The following GET1 variants were observed in gnomAD, a reference collection of about 807,000 sequenced individuals.
GET1 encodes guided entry of tail-anchored proteins factor 1, also known as congenital heart disease 5 protein.
In GET1, 20 loss-of-function variants were observed where a neutral mutation model predicts 22.6. The ratio of observed to expected loss-of-function variants is 0.89; its 90% CI spans 0.62 to 1.29. The LOEUF is 1.29. Ranked by LOEUF, GET1 falls within the 50% of genes most tolerant of loss-of-function variation. The probability of loss-of-function intolerance (pLI) is 0.00; values close to 1 mark genes in which losing one functional copy is unlikely to be tolerated. For missense variants in GET1, 209 were observed against 219.9 expected, an observed-to-expected ratio of 0.95 and a Z score of 0.31; for synonymous variants, 92 against 83.8, an observed-to-expected ratio of 1.10 and a Z score of -0.53.
At chr21:39,417,248 C>A (rs1402445551) in intron 1 of GET1, among the ~76,000 whole-genome samples, 1 of 152,144 alleles carries the variant, frequency 6.6e-6, no homozygotes, top group East Asian at 1.9e-4. Flanking sequence ...CCATGTTGGC[C>A]AGGCTGGTCT....
chr21:39,424,291 G>C lies in GET1; in HGVS notation c.*24-3941G>C, dbSNP rs142986097. 5.6e-3 allele frequency among the ~76,000 whole-genome samples: 854 copies of C among 152,294 alleles called. 2 individuals are homozygous for C. Among genetic ancestry groups the C allele is most frequent in the Middle Eastern group, 0.014 (4 of 294 alleles). On this transcript the variant is annotated intron_variant, in intron 1 of 1. Transcript: ENST00000478273. Reference sequence around the variant, plus strand: ...GGCCTCCCAAAGTGCTGGGATTACAGGTGGGAGCCATTGTGCCCGGCCTCT... The same window carrying C: ...GGCCTCCCAAAGTGCTGGGATTACACGTGGGAGCCATTGTGCCCGGCCTCT...
chr21:39,406,699 C>T (rs980283197), downstream of GET1: 19 of 998,654 alleles, frequency 1.9e-5, no homozygotes, highest in Non-Finnish European at 2.7e-5. Flanking sequence ...CTTACGTGCA[C>T]CGCCTCACAA....
chr21:39,380,593 T>C, intron 1 of GET1, 107 bp downstream of exon 1: 1 of 1,518,038 alleles, frequency 6.6e-7, no homozygotes, highest in Non-Finnish European at 8.8e-7. Flanking sequence ...AAGGCCGTAG[T>C]AGCGTCTTGG....
chr21:39,412,882 T>C (rs1601728770), intron 1 of GET1, among the ~76,000 whole-genome samples: 1 of 152,108 alleles, frequency 6.6e-6, no homozygotes, highest in South Asian at 2.1e-4. Context: ...AGGCCAGAGA[T>C]TGTGCTTCCC....
At chr21:39,424,125 GCC>G (rs2074229146) in intron 1 of GET1, among the ~76,000 whole-genome samples, 1 of 152,006 alleles carries the variant, frequency 6.6e-6, no homozygotes, top group Non-Finnish European at 1.5e-5. Context: ...CGATTCTCCT[GCC>G]TCAGCCTCCC....
chr21:39,415,867 TCCTCTCC>T (rs1412206051), intron 1 of GET1, among the ~76,000 whole-genome samples: 2 of 152,188 alleles, frequency 1.3e-5, no homozygotes, highest in African/African-American at 4.8e-5. Flanking sequence ...CTGAGCATGT[TCCTCTCC>T]CCTCTTCTTT....
rs2146887664 is a variant in GET1 at position 39,380,384 on chromosome 21, G to T, written c.-1G>T. On this transcript the variant is annotated 5_prime_UTR_variant, in exon 1 of 5. Coordinates refer to ENST00000649170, the MANE Select transcript of GET1 (RefSeq NM_004627.6). ...ACCCAGCACAGCCAGGAGCGTCCGG[G>T]ATGAGCTCAGCCGCGGCCGACCACT... 3.1e-6 allele frequency: 5 copies of T among 1,603,110 alleles called. No homozygotes were observed. The highest frequency in any genetic ancestry group is 1.3e-5 in the African/African-American group (1 of 74,858).
At chr21:39,413,598 A>G (rs1442659492) in intron 1 of GET1, among the ~76,000 whole-genome samples, 2 of 152,200 alleles carry the variant, frequency 1.3e-5, no homozygotes, top group Non-Finnish European at 2.9e-5. Context: ...CTTTTCTAGA[A>G]TTTAAGTTTC....
Position 39,423,019 on chromosome 21 carries a change from G to C in GET1, c.*24-5213G>C, listed in dbSNP as rs143415723. 5.1e-3 allele frequency: 8,219 copies of C among 1,613,962 alleles called. 34 individuals are homozygous for C. Among genetic ancestry groups the C allele is most frequent in the Middle Eastern group, 0.017 (106 of 6,062 alleles). On this transcript the variant is annotated intron_variant, in intron 1 of 1. Transcript: ENST00000478273. ...TGCGTCCATTTTTGTTGTGATAATAGATAATTTATGAGTGAGTTCTTCCCT... is the reference window on the plus strand; with the variant it reads ...TGCGTCCATTTTTGTTGTGATAATACATAATTTATGAGTGAGTTCTTCCCT...
chr21:39,397,074 T>C lies in GET1; in HGVS notation c.*135T>C. The C allele has an allele frequency of 2.2e-6, 2 of 911,030 alleles. No homozygotes were observed. Among genetic ancestry groups the C allele is most frequent in the Admixed American group, 2.7e-5 (1 of 36,904 alleles). 56.4% of individuals were successfully genotyped at this position (911,030 alleles called of 1,614,324 possible). A position where few individuals can be genotyped will look rare whatever the true frequency, so the allele number is the denominator to read the frequency against. On this transcript the variant is annotated 3_prime_UTR_variant, in exon 5 of 5. Coordinates refer to ENST00000649170, the MANE Select transcript of GET1 (RefSeq NM_004627.6). Reference sequence around the variant, plus strand: ...TTTTTTTTTTGTTGAATATGTTTGTTCTTGGACTTTATGAGAGAGTCTTAT... The same window carrying C: ...TTTTTTTTTTGTTGAATATGTTTGTCCTTGGACTTTATGAGAGAGTCTTAT...
downstream of GET1, among the ~76,000 whole-genome samples, chr21:39,402,324 C>T (rs912617065): frequency 4.6e-5 from 7 of 152,136 alleles, no homozygotes; most frequent in Non-Finnish European, 7.3e-5. Flanking sequence ...AGGCTGATCT[C>T]GAACTCCTGG....
chr21:39,421,550 T>G (rs374349747), intron 1 of GET1: 11 of 152,274 alleles, frequency 7.2e-5, no homozygotes, highest in African/African-American at 2.4e-4. Context: ...TCAATAACCA[T>G]CCATAAATAT....
chr21:39,393,313 T>A lies in GET1; in HGVS notation c.451+33T>A, dbSNP rs752697348. The A allele has an allele frequency of 2.6e-6, 4 of 1,529,322 alleles. No individual in the cohort carries two copies. In the African/African-American group the frequency reaches 4.1e-5, roughly 16 times the overall value. The allele number at this position is 1,529,322 out of a possible 1,614,324, so 94.7% of individuals were successfully genotyped here. ...TTTTCTGGAAGATGCAGTGGAAGAG[T>A]GTGAATAGGCTTATGTAGAGGTGTG... On this transcript the variant is annotated intron_variant, in intron 4 of 4. Coordinates refer to ENST00000649170, the MANE Select transcript of GET1 (RefSeq NM_004627.6).
At chr21:39,380,647 G>C in intron 1 of GET1, 161 bp downstream of exon 1, 2 of 1,432,638 alleles carry the variant, frequency 1.4e-6, no homozygotes, top group Non-Finnish European at 1.8e-6. Flanking sequence ...CGTCTAAAAG[G>C]TACGACGCTT....
chr21:39,392,965 A>T, intron 3 of GET1: 1 of 528,614 alleles, frequency 1.9e-6, no homozygotes, highest in Non-Finnish European at 3.4e-6. Flanking sequence ...CTTTAATTTG[A>T]CTTTCTCATT....
At chr21:39,423,243 C>A in intron 1 of GET1, 3 of 1,610,034 alleles carry the variant, frequency 1.9e-6, no homozygotes, top group South Asian at 1.1e-5. Context: ...TTTGTGAATT[C>A]TCATATTTTC....
chr21:39,420,774 T>TCTTC, intron 1 of GET1: 1 of 1,613,694 alleles, frequency 6.2e-7, no homozygotes, highest in East Asian at 2.2e-5. Flanking sequence ...GCTGCTAAAG[T>TCTTC]CTTCCGAGTC....
intron 1 of GET1, among the ~76,000 whole-genome samples, chr21:39,388,424 G>C (rs1220013228): frequency 2.0e-5 from 3 of 152,214 alleles, no homozygotes; most frequent in African/African-American, 7.2e-5. Flanking sequence ...GACCCAGTTC[G>C]GAATCATGCA....
chr21:39,406,308 T>A, exon 5 of GET1: 1 of 1,614,214 alleles, frequency 6.2e-7, no homozygotes, highest in Non-Finnish European at 8.5e-7. Flanking sequence ...GGTTTTCAGT[T>A]GCTTCTGTGA....
Sources: gnomAD v4.1 joint callset for allele counts (sites outside exome capture counted in the v4.1 genomes callset) on GRCh38, gnomAD v4.1.1 for gene constraint, MANE v1.5 for transcripts, NCBI Gene and HGNC (gene_info 2026-07-23, HGNC 2026-07-21) for gene names.